C2CD3: variants seen among roughly 807,000 people sequenced by gnomAD.
C2CD3 encodes C2 domain-containing protein 3.
In C2CD3, 148 loss-of-function variants were observed where a neutral mutation model predicts 234.0. The observed-to-expected ratio is 0.63, with a 90% confidence interval of 0.55 to 0.72. C2CD3 has a LOEUF of 0.72. C2CD3 is among the 30% of genes least tolerant of loss of function. The probability of loss-of-function intolerance (pLI) is 0.00; values close to 1 mark genes in which losing one functional copy is unlikely to be tolerated. For synonymous variants in C2CD3, 1,000 were observed against 1,035.4 expected (o/e 0.97, Z 0.66); for missense variants, 2,577 against 2,811.5 (o/e 0.92, Z 1.89).
intron 20 of C2CD3, among the ~76,000 whole-genome samples, chr11:74,087,664 C>T (rs990164931): frequency 2.0e-5 from 3 of 151,990 alleles, no homozygotes; most frequent in African/African-American, 7.3e-5. Flanking sequence ...CAGTGAAGGA[C>T]TCTTAATAGG....
intron 11 of C2CD3, among the ~76,000 whole-genome samples, chr11:74,112,720 G>A (rs1956788249): frequency 6.6e-6 from 1 of 152,126 alleles, no homozygotes; most frequent in Non-Finnish European, 1.5e-5. Flanking sequence ...TTGGCCATCA[G>A]GAAAATGCAA....
At chr11:74,032,194 C>T (rs916181793) in intron 31 of C2CD3, among the ~76,000 whole-genome samples, 9 of 152,122 alleles carry the variant, frequency 5.9e-5, no homozygotes, top group African/African-American at 1.2e-4. Context: ...GGTGAAGAAA[C>T]GTGCACATAA....
In C2CD3 at chr11:74,133,531, G is replaced by T. The variant is rs769847567; in HGVS notation, c.982C>A (p.Arg328Ser). The T allele has an allele frequency of 5.0e-6, 8 of 1,613,880 alleles. No homozygotes were observed. In the South Asian group the frequency reaches 7.7e-5, roughly 16 times the overall value. ...SALLEQGNKL[R>S]NAMVISAMKS... ...ATTGCAGAAATCACCATGGCATTACGCAGTTTATTGCCTTGTTCTAACAGA... is the reference window on the plus strand; with the variant it reads ...ATTGCAGAAATCACCATGGCATTACTCAGTTTATTGCCTTGTTCTAACAGA... The change falls in exon 6 of 33, where the codon CGT becomes AGT. Residue 328 changes from arginine to serine, a missense_variant. By Grantham distance (110) the Arg-to-Ser change is moderately radical. Transcript: ENST00000334126.
rs921521238 is a variant in C2CD3 at position 74,099,840 on chromosome 11, G to A, written c.2732+685C>T. The stretch of plus-strand genomic sequence containing the variant: ...GAACCCAGGAGATGGAGCTTGCAGT[G>A]AGCCGAGATCGTGCCACTGCACTCC... On this transcript the variant is annotated intron_variant, in intron 15 of 32. Coordinates refer to ENST00000334126, the MANE Select transcript of C2CD3 (RefSeq NM_001286577.2). 2.1e-4 allele frequency among the ~76,000 whole-genome samples: 31 copies of A among 151,076 alleles called. 2 individuals are homozygous for A. Among genetic ancestry groups the A allele is most frequent in the Non-Finnish European group, 1.5e-5 (1 of 67,890 alleles).
chr11:74,168,113 A>G (rs888493993), intron 2 of C2CD3: 2 of 467,616 alleles, frequency 4.3e-6, no homozygotes, highest in Admixed American at 7.6e-5. Context: ...CAGAGAAAAT[A>G]CCTATCTTTC....
rs1448936358 is a variant in C2CD3 at position 74,085,788 on chromosome 11, T to C, written c.3740A>G (p.Gln1247Arg). Residue 1247 changes from glutamine to arginine, a missense_variant, in exon 21 of 33, where the codon CAG becomes CGG. Transcript: ENST00000334126. ...ACAGGCCACAGGGTGGGTTCGGCGC[T>C]GTTCTCCCTGGGGCAGGAAGGAGAG... ...THLSFLPQGE[Q>R]RRTHPVACSF... is the part of the protein sequence containing the mutation. 6.2e-7 allele frequency: 1 copy of C among 1,614,076 alleles called. No individual in the cohort carries two copies. Among genetic ancestry groups the C allele is most frequent in the Non-Finnish European group, 8.5e-7 (1 of 1,180,016 alleles).
rs1198089342 is a variant in C2CD3 at position 74,133,508 on chromosome 11, T to C, written c.1005A>G (p.Ala335=). ...NKLRNAMVIS[A]MKSSPETSML... ...TGCTGGTCTCTGGGCTTGATTTCAT[T>C]GCAGAAATCACCATGGCATTACGCA... The change falls in exon 6 of 33, where the codon GCA becomes GCG. Residue 335 remains alanine, a synonymous_variant. Coordinates refer to ENST00000334126, the MANE Select transcript of C2CD3 (RefSeq NM_001286577.2). The C allele has an allele frequency of 6.2e-7, 1 of 1,613,228 alleles. No homozygotes were observed. The highest frequency in any genetic ancestry group is 8.5e-7 in the Non-Finnish European group (1 of 1,179,144).
At chr11:74,128,309 T>C (rs1957485290) in intron 7 of C2CD3, among the ~76,000 whole-genome samples, 2 of 152,198 alleles carry the variant, frequency 1.3e-5, no homozygotes, top group African/African-American at 2.4e-5. Flanking sequence ...GATGTAAGAT[T>C]TGTAAATATT....
intron 32 of C2CD3, among the ~76,000 whole-genome samples, chr11:74,027,564 TC>T (rs1321228782): frequency 2.6e-5 from 4 of 152,214 alleles, no homozygotes; most frequent in African/African-American, 9.6e-5. Flanking sequence ...GAGACCCTGT[TC>T]TTTATCACAG....
intron 31 of C2CD3, among the ~76,000 whole-genome samples, chr11:74,031,265 T>G (rs779105712): frequency 2.0e-4 from 31 of 152,352 alleles, no homozygotes; most frequent in South Asian, 1.7e-3. Flanking sequence ...GAAGTTTCTT[T>G]GCTTTAGAAT....
chr11:74,074,329 C>A lies in C2CD3; in HGVS notation c.4875G>T (p.Gln1625His), dbSNP rs1202254943. 1 of 1,614,232 alleles carries A rather than the reference C, an allele frequency of 6.2e-7. No individual in the cohort carries two copies. The highest frequency in any genetic ancestry group is 8.5e-7 in the Non-Finnish European group (1 of 1,180,042). The change falls in exon 24 of 33, where the codon CAG becomes CAT. Residue 1625 changes from glutamine (Q) to histidine (H), a missense_variant. By Grantham distance (24) the Gln-to-His change is conservative. Transcript: ENST00000334126. ...TTCCATCCAAATCAGCAGGGCCCTCCTGCGTCAGGCGGACTTCAGCTGTGG... is the reference window on the plus strand; with the variant it reads ...TTCCATCCAAATCAGCAGGGCCCTCATGCGTCAGGCGGACTTCAGCTGTGG... Reference protein sequence around the residue: ...SSTTAEVRLTQEGPADLDGTF... With the variant: ...SSTTAEVRLTHEGPADLDGTF...
At chr11:74,133,685 C>T in intron 5 of C2CD3, 128 bp from the exon 6 acceptor site, 1 of 887,996 alleles carries the variant, frequency 1.1e-6, no homozygotes, top group Non-Finnish European at 1.7e-6. Flanking sequence ...ATCTGCCTTC[C>T]CCATTAGCTT....
Position 74,138,805 on chromosome 11 carries a change from C to T in C2CD3, c.870G>A (p.Gln290=), listed in dbSNP as rs765849235. 6.2e-7 allele frequency: 1 copy of T among 1,613,844 alleles called. No individual in the cohort carries two copies. The highest frequency in any genetic ancestry group is 8.5e-7 in the Non-Finnish European group (1 of 1,179,740). The change falls in exon 5 of 33, where the codon CAG becomes CAA. Residue 290 remains glutamine (Q), a synonymous_variant. Transcript: ENST00000334126. ...TCTTGGCAACTGTTCTAATTTGAGG[C>T]TGGAATTCAGAACTGTTCAGAAGGG... is the stretch of plus-strand genomic sequence containing the variant. ...QMSLLNSSEF[Q]PQIRTVAKSH...
intron 27 of C2CD3, 90 bp downstream of exon 27, chr11:74,049,247 A>G: frequency 9.3e-7 from 1 of 1,079,802 alleles, no homozygotes; most frequent in Non-Finnish European, 1.4e-6. Flanking sequence ...AACGTATTCT[A>G]TAAGCCGGAG....
rs367931668 is a variant in C2CD3, at chr11:74,085,682, G to T, written c.3846C>A (p.Phe1282Leu). 10 of 1,613,974 alleles carry T rather than the reference G, an allele frequency of 6.2e-6. No individual in the cohort carries two copies. The highest frequency in any genetic ancestry group is 4.0e-5 in the African/African-American group (3 of 74,880). ...CTGCAAACTCCAACAACTCTGCTAG[G>T]AAACAGGCCTCTCCACTACAGTGCT... ...VTQHCSGEAC[F>L]LAELLEFAEV... is the part of the protein sequence containing the mutation. Residue 1282 changes from phenylalanine to leucine, a missense_variant, in exon 21 of 33, where the codon TTC (phenylalanine) becomes TTA (leucine). Phe to Leu is a conservative substitution (Grantham distance 22, BLOSUM62 0). Coordinates refer to ENST00000334126, the MANE Select transcript of C2CD3 (RefSeq NM_001286577.2).
intron 9 of C2CD3, among the ~76,000 whole-genome samples, chr11:74,116,909 TGTATATATACATATACAC>T (rs1956968497): frequency 2.4e-5 from 2 of 81,734 alleles, no homozygotes; most frequent in African/African-American, 9.5e-5. Context: ...CACACGTGTA[TGTATATATACATATACAC>T]GTGTATATAC....
intron 9 of C2CD3, among the ~76,000 whole-genome samples, chr11:74,117,028 A>G (rs117468793): frequency 0.11 from 11,928 of 104,724 alleles, 1,615 homozygotes; most frequent in East Asian, 0.26. Flanking sequence ...ATACGTGTAT[A>G]TGTATATATA....
At chr11:74,063,181 G>T (rs535040921) in intron 24 of C2CD3, among the ~76,000 whole-genome samples, 7 of 152,174 alleles carry the variant, frequency 4.6e-5, no homozygotes, top group Non-Finnish European at 1.0e-4. Context: ...TGGATTCACA[G>T]CCGCATCTAC....
rs572627915 is a variant in C2CD3, at chr11:74,095,362, T to C, written c.3026A>G (p.His1009Arg). The C allele has an allele frequency of 5.2e-5, 84 of 1,613,692 alleles. No individual in the cohort carries two copies. Among genetic ancestry groups the C allele is most frequent in the Non-Finnish European group, 6.5e-5 (77 of 1,179,774 alleles). Residue 1009 changes from histidine to arginine, a missense_variant, in exon 17 of 33, where the codon CAT (histidine) becomes CGT (arginine). Physicochemically the swap from His to Arg is conservative, Grantham distance 29. Coordinates refer to ENST00000334126, the MANE Select transcript of C2CD3 (RefSeq NM_001286577.2). ...GGCTAGCCCTTTAACCATCTCTATA[T>C]GGATCTCAAAGCAGTGCTCCATCAG... ...NGLMEHCFEI[H>R]IEMVKGLAPL... is the part of the protein sequence containing the mutation.
Sources: gnomAD v4.1 joint callset for allele counts (sites outside exome capture counted in the v4.1 genomes callset) on GRCh38, gnomAD v4.1.1 for gene constraint, MANE v1.5 for transcripts, NCBI Gene and HGNC (gene_info 2026-07-23, HGNC 2026-07-21) for gene names.